Variants in BABAM2 observed in about 807,000 individuals in gnomAD.
BABAM2 encodes BRISC and BRCA1-A complex member 2.
BABAM2 carries 31 observed loss-of-function variants against 54.7 expected under a neutral mutation model. The ratio of observed to expected loss-of-function variants is 0.57; its 90% CI spans 0.43 to 0.77. The LOEUF (loss-of-function observed/expected upper bound fraction) is 0.77, where lower values mean the gene tolerates loss of function less well. Ranked by LOEUF, BABAM2 falls within the 30% of genes least tolerant of loss-of-function variation. The pLI is 0.00. For missense variants in BABAM2, 364 were observed against 455.8 expected (o/e 0.80, Z 1.83); for synonymous variants, 167 against 162.9 (o/e 1.03, Z -0.19).
chr2:28,305,505 T>C (rs901793336), intron 11 of BABAM2, among the ~76,000 whole-genome samples: 2 of 152,218 alleles, frequency 1.3e-5, no homozygotes, highest in Non-Finnish European at 2.9e-5. Flanking sequence ...TTTTCTTGTG[T>C]TTGTCCTTGT....
intron 2 of BABAM2, among the ~76,000 whole-genome samples, chr2:27,928,693 A>G (rs1667885781): frequency 6.6e-6 from 1 of 152,124 alleles, no homozygotes; most frequent in South Asian, 2.1e-4. Flanking sequence ...ATGAAAGAAA[A>G]TTAGCCTCCT....
chr2:28,153,054 ATG>A (rs1225880681), intron 7 of BABAM2, among the ~76,000 whole-genome samples: 6 of 152,158 alleles, frequency 3.9e-5, no homozygotes, highest in Non-Finnish European at 8.8e-5. Flanking sequence ...GAGCAGTTTT[ATG>A]TGTTATTCTT....
intron 5 of BABAM2, among the ~76,000 whole-genome samples, chr2:28,026,801 A>T (rs1275014615): frequency 5.0e-5 from 3 of 60,236 alleles, no homozygotes; most frequent in Admixed American, 2.3e-4. Context: ...ATATTTATAT[A>T]AAAAATATAT....
At chr2:28,087,064 G>A (rs1453132391) in intron 6 of BABAM2, among the ~76,000 whole-genome samples, 2 of 152,222 alleles carry the variant, frequency 1.3e-5, no homozygotes, top group Non-Finnish European at 2.9e-5. Flanking sequence ...GCTTAACTAT[G>A]AGAAGACCAG....
intron 4 of BABAM2, among the ~76,000 whole-genome samples, chr2:28,016,708 C>A: frequency 6.6e-6 from 1 of 152,160 alleles, no homozygotes; most frequent in Admixed American, 6.5e-5. Flanking sequence ...TATTTGAAAA[C>A]AAAGCCATGG....
intron 2 of BABAM2, among the ~76,000 whole-genome samples, chr2:27,913,998 G>C (rs1666786012): frequency 6.6e-6 from 1 of 152,048 alleles, no homozygotes; most frequent in South Asian, 2.1e-4. Context: ...TGTGGTTCAT[G>C]GTAGAATTCA....
intron 3 of BABAM2, among the ~76,000 whole-genome samples, chr2:27,958,989 A>G (rs1009137328): frequency 2.6e-5 from 4 of 152,204 alleles, no homozygotes; most frequent in Non-Finnish European, 5.9e-5. Flanking sequence ...ATGGAAGGAC[A>G]CCACCTTTAG....
chr2:28,314,917 G>A (rs1689384189), intron 11 of BABAM2, among the ~76,000 whole-genome samples: 2 of 151,584 alleles, frequency 1.3e-5, no homozygotes, highest in South Asian at 4.2e-4. Flanking sequence ...CAGGAGGTAT[G>A]CCGGTGTCCA....
chr2:27,935,351 G>T (rs1444897553), intron 3 of BABAM2, among the ~76,000 whole-genome samples: 1 of 152,192 alleles, frequency 6.6e-6, no homozygotes, highest in African/African-American at 2.4e-5. Context: ...CATTGACAGT[G>T]CACTTTGTCA....
intron 2 of BABAM2, among the ~76,000 whole-genome samples, chr2:27,906,343 A>G (rs1414784336): frequency 1.3e-5 from 2 of 152,168 alleles, no homozygotes; most frequent in Non-Finnish European, 2.9e-5. Context: ...ATCCCAGCCC[A>G]TATTCTTTTC....
chr2:28,248,209 T>TTTTCTTTTTTC (rs577163923), intron 10 of BABAM2, among the ~76,000 whole-genome samples: 2 of 100,008 alleles, frequency 2.0e-5, no homozygotes, highest in South Asian at 3.1e-4. Context: ...TTCTTTTTCT[T>TTTTCTTTTTTC]TTTTTTTTTT....
chr2:27,989,791 C>T (rs2148489824), intron 4 of BABAM2, among the ~76,000 whole-genome samples: 2 of 152,220 alleles, frequency 1.3e-5, no homozygotes, highest in Middle Eastern at 6.8e-3. Flanking sequence ...GTCATGTTTA[C>T]AACTTCTTTT....
rs1198049437 is a variant in BABAM2, at chr2:28,106,224, C to CT, written c.571-23045dup. ...ATTCTAAGATCCCATTCAAATTTCA[C>CT]TTATATTGTCCCAATGATTTCTTTG... On this transcript the variant is annotated intron_variant, in intron 6 of 11. Coordinates refer to ENST00000379624, the MANE Select transcript of BABAM2 (RefSeq NM_199191.3). Among the ~76,000 whole-genome samples, 4 of 152,074 alleles carry CT rather than the reference C, an allele frequency of 2.6e-5. No homozygotes were observed. In the East Asian group the frequency reaches 7.7e-4, roughly 29 times the overall value.
At chr2:27,966,478 C>A (rs1004080354) in intron 3 of BABAM2, among the ~76,000 whole-genome samples, 3 of 152,116 alleles carry the variant, frequency 2.0e-5, no homozygotes, top group African/African-American at 4.8e-5. Context: ...TAAATTCATT[C>A]GTCTTTGACC....
At chr2:28,137,414 G>A (rs2147728691) in intron 7 of BABAM2, among the ~76,000 whole-genome samples, 1 of 152,266 alleles carries the variant, frequency 6.6e-6, no homozygotes, top group East Asian at 1.9e-4. Flanking sequence ...GACTTGAGAT[G>A]TTCGTTTTAC....
intron 7 of BABAM2, among the ~76,000 whole-genome samples, chr2:28,146,800 T>A (rs1455257361): frequency 6.6e-6 from 1 of 152,166 alleles, no homozygotes; most frequent in Non-Finnish European, 1.5e-5. Context: ...AGAACTCTCA[T>A]GTATAAAATT....
intron 6 of BABAM2, among the ~76,000 whole-genome samples, chr2:28,078,666 G>A (rs899715468): frequency 6.6e-6 from 1 of 152,122 alleles, no homozygotes; most frequent in Admixed American, 6.5e-5. Flanking sequence ...TGGGGTATAG[G>A]TTTGGGTGGG....
intron 4 of BABAM2, among the ~76,000 whole-genome samples, chr2:28,014,513 A>C (rs1289155760): frequency 6.6e-6 from 1 of 152,108 alleles, no homozygotes; most frequent in Non-Finnish European, 1.5e-5. Context: ...GAATACTTTT[A>C]CTAGCCCAAA....
chr2:28,259,074 CTTTTTTTTTTTTTTTTTTTTT>C (rs70956009), intron 10 of BABAM2, among the ~76,000 whole-genome samples: 1 of 23,424 alleles, frequency 4.3e-5, no homozygotes, highest in African/African-American at 1.8e-4. Context: ...TGCACCTGGC[CTTTTTTTTTTTTTTTTTTTTT>C]TTTTTTTTTT....
Sources: allele counts gnomAD v4.1 joint callset (sites outside exome capture counted in the v4.1 genomes callset), GRCh38; gene constraint gnomAD v4.1.1; transcripts MANE v1.5; gene names NCBI Gene and HGNC (gene_info 2026-07-23, HGNC 2026-07-21).